The following AGBL4 variants were observed in gnomAD, a reference collection of about 807,000 sequenced individuals.
AGBL4 encodes cytosolic carboxypeptidase 6.
In AGBL4, 58 loss-of-function variants were observed where a neutral mutation model predicts 66.4. That is an observed-to-expected ratio of 0.87 (90% CI 0.71 to 1.09). AGBL4 has a LOEUF of 1.09. Among genes scored for constraint, AGBL4 ranks in the 50% least tolerant of loss-of-function variants. AGBL4 has a pLI of 0.00. For synonymous variants in AGBL4, 234 were observed against 222.9 expected, an observed-to-expected ratio of 1.05 and a Z score of -0.44; for missense variants, 579 against 631.0, an observed-to-expected ratio of 0.92 and a Z score of 0.88.
Position 50,023,763 on chromosome 1 carries a change from C to T in AGBL4, c.34G>A (p.Gly12Ser). 1 of 1,549,624 alleles carries T rather than the reference C, an allele frequency of 6.5e-7. No individual in the cohort carries two copies. Among genetic ancestry groups the T allele is most frequent in the Non-Finnish European group, 8.7e-7 (1 of 1,146,154 alleles). ...AEGSQSAPEA[G>S]NDMGNDDAIG... The stretch of plus-strand genomic sequence containing the variant: ...CCCCAGATCGGCCGCCCCCACAGAC[C>T]TGCCTCAGGCGCCGACTGGCTCCCC... Residue 12 changes from glycine (G) to serine (S), a missense_variant and splice_region_variant, in exon 1 of 14, where the codon GGC becomes AGC. Transcript: ENST00000371839.
At position 49,003,125 on chromosome 1, in the gene AGBL4, C is replaced by T. The variant is rs570904738; in HGVS notation, c.594+42459G>A. 2.4e-3 allele frequency among the ~76,000 whole-genome samples: 369 copies of T among 152,284 alleles called. 3 individuals are homozygous for T. Among genetic ancestry groups the T allele is most frequent in the South Asian group, 0.018 (87 of 4,826 alleles). ...TTAAAAATAAAGTTGAGGCCAGGCACGTTGGTGCACGCCTGTAATTCCAGC... is the reference window on the plus strand; with the variant it reads ...TTAAAAATAAAGTTGAGGCCAGGCATGTTGGTGCACGCCTGTAATTCCAGC... On this transcript the variant is annotated intron_variant, in intron 5 of 13. Coordinates refer to ENST00000371839, the MANE Select transcript of AGBL4 (RefSeq NM_032785.4).
chr1:49,919,551 A>G (rs969274186), intron 1 of AGBL4, among the ~76,000 whole-genome samples: 10 of 152,186 alleles, frequency 6.6e-5, no homozygotes, highest in Non-Finnish European at 2.9e-5. Context: ...GGAACTCTTC[A>G]AGGAGAACTA....
At chr1:48,987,933 G>A (rs547658163) in intron 5 of AGBL4, among the ~76,000 whole-genome samples, 2 of 152,186 alleles carry the variant, frequency 1.3e-5, no homozygotes, top group South Asian at 4.1e-4. Context: ...TTTTTCTCAT[G>A]CTGGGCACTC....
intron 3 of AGBL4, among the ~76,000 whole-genome samples, chr1:49,373,621 T>G (rs1416017099): frequency 6.6e-6 from 1 of 152,152 alleles, no homozygotes; most frequent in Non-Finnish European, 1.5e-5. Flanking sequence ...GGCTTTTATA[T>G]GTACATATTA....
In AGBL4 at chr1:48,587,160, T is replaced by C; in HGVS notation, c.1111A>G (p.Thr371Ala). 1.9e-6 allele frequency: 3 copies of C among 1,552,074 alleles called. No individual in the cohort carries two copies. Among genetic ancestry groups the C allele is most frequent in the Non-Finnish European group, 2.6e-6 (3 of 1,147,442 alleles). The change falls in exon 11 of 14, where the codon ACA becomes GCA. Residue 371 changes from threonine (T) to alanine (A), a missense_variant. By Grantham distance (58) the Thr-to-Ala change is moderately conservative. Transcript: ENST00000371839. ...TTCACAGCGTCCCGGTTAAAGGATG[T>C]GCTGGACTGTGAAAGACAGAGTAGG... ...QNAEDFSYSS[T>A]SFNRDAVKAG...
intron 4 of AGBL4, among the ~76,000 whole-genome samples, chr1:49,072,092 C>T (rs1416632527): frequency 1.3e-5 from 2 of 152,084 alleles, no homozygotes; most frequent in Admixed American, 6.5e-5. Context: ...TTTCCATTTG[C>T]CTGGTAGGTC....
At chr1:49,130,000 A>G (rs1645855664) in intron 4 of AGBL4, among the ~76,000 whole-genome samples, 3 of 152,036 alleles carry the variant, frequency 2.0e-5, no homozygotes, top group Middle Eastern at 3.4e-3. Context: ...TTTAATGATC[A>G]CCTTTCTAAC....
intron 2 of AGBL4, among the ~76,000 whole-genome samples, chr1:49,763,025 T>C (rs1274984127): frequency 6.6e-6 from 1 of 152,220 alleles, no homozygotes; most frequent in African/African-American, 2.4e-5. Flanking sequence ...AAGTTTTATA[T>C]TTAAGTTTTT....
At chr1:49,749,531 G>C (rs1216343882) in intron 2 of AGBL4, among the ~76,000 whole-genome samples, 1 of 152,026 alleles carries the variant, frequency 6.6e-6, no homozygotes, top group Non-Finnish European at 1.5e-5. Flanking sequence ...TTAACTACTT[G>C]AGCCAACAAA....
chr1:48,869,795 A>G (rs936226027), intron 5 of AGBL4, among the ~76,000 whole-genome samples: 6 of 152,182 alleles, frequency 3.9e-5, no homozygotes, highest in African/African-American at 1.4e-4. Context: ...TCAGATTTTA[A>G]AAGGGACCAC....
chr1:48,998,719 G>A (rs1367625019), intron 5 of AGBL4, among the ~76,000 whole-genome samples: 1 of 152,170 alleles, frequency 6.6e-6, no homozygotes, highest in Non-Finnish European at 1.5e-5. Flanking sequence ...ATAACTGTGG[G>A]GAGTAGAGCT....
intron 3 of AGBL4, among the ~76,000 whole-genome samples, chr1:49,383,938 A>T (rs1222285456): frequency 2.0e-5 from 3 of 151,922 alleles, no homozygotes; most frequent in Non-Finnish European, 4.4e-5. Flanking sequence ...CTGGGACTAC[A>T]GCTGTGTACC....
intron 1 of AGBL4, among the ~76,000 whole-genome samples, chr1:49,895,116 G>T (rs180786929): frequency 6.6e-6 from 1 of 151,608 alleles, no homozygotes; most frequent in Non-Finnish European, 1.5e-5. Context: ...CATATTTAAC[G>T]TGCTGAAAGA....
At chr1:49,471,704 A>G (rs1646748764) in intron 3 of AGBL4, among the ~76,000 whole-genome samples, 2 of 151,996 alleles carry the variant, frequency 1.3e-5, no homozygotes, top group Admixed American at 1.3e-4. Flanking sequence ...ATCAGGAAAG[A>G]GGCAGCCCAA....
At chr1:48,769,159 T>A (rs1644679422) in intron 6 of AGBL4, among the ~76,000 whole-genome samples, 1 of 152,132 alleles carries the variant, frequency 6.6e-6, no homozygotes, top group Admixed American at 6.5e-5. Flanking sequence ...GACTTCCAGG[T>A]CTCTTTCTCA....
chr1:49,965,991 GAGTGC>G (rs1200865307), intron 1 of AGBL4, among the ~76,000 whole-genome samples: 1 of 150,322 alleles, frequency 6.7e-6, no homozygotes, highest in African/African-American at 2.5e-5. Context: ...ACCCAGGCTG[GAGTGC>G]AGTGGCGCGA....
At chr1:48,750,809 C>A (rs1651607511) in intron 6 of AGBL4, among the ~76,000 whole-genome samples, 1 of 152,178 alleles carries the variant, frequency 6.6e-6, no homozygotes, top group Non-Finnish European at 1.5e-5. Context: ...AGGGAGACAG[C>A]AGAAAGCTTC....
chr1:48,962,936 T>C (rs1284710167), intron 5 of AGBL4, among the ~76,000 whole-genome samples: 1 of 151,734 alleles, frequency 6.6e-6, no homozygotes, highest in South Asian at 2.1e-4. Flanking sequence ...GTGGTGAAGA[T>C]AAAATAATCC....
intron 11 of AGBL4, among the ~76,000 whole-genome samples, chr1:48,572,908 G>A (rs1569844425): frequency 6.6e-6 from 1 of 152,224 alleles, no homozygotes; most frequent in East Asian, 1.9e-4. Flanking sequence ...AAGTGGCAGA[G>A]GGAAGGAGCT....
Sources: allele counts gnomAD v4.1 joint callset (sites outside exome capture counted in the v4.1 genomes callset), GRCh38; gene constraint gnomAD v4.1.1; transcripts MANE v1.5; gene names NCBI Gene and HGNC (gene_info 2026-07-23, HGNC 2026-07-21).